NR5A2: variants seen among roughly 807,000 people sequenced by gnomAD.
NR5A2 encodes CYP7A promoter-binding factor.
In NR5A2, 26 loss-of-function variants were observed where a neutral mutation model predicts 62.7. The observed-to-expected ratio is 0.41, with a 90% CI of 0.30 to 0.58. The LOEUF (loss-of-function observed/expected upper bound fraction) is 0.58. NR5A2 is among the 20% of genes least tolerant of loss of function. The pLI is 0.22. For synonymous variants in NR5A2, 246 were observed against 241.7 expected (o/e 1.02, Z -0.16); for missense variants, 541 against 669.1 (o/e 0.81, Z 2.11).
At position 200,060,147 on chromosome 1, in the gene NR5A2, A is replaced by G. The variant is rs16845843; in HGVS notation, c.1110+11329A>G. Among the ~76,000 whole-genome samples the G allele has an allele frequency of 9.6e-3, 1,460 of 151,940 alleles. 48 individuals carry two copies. In the East Asian group the frequency reaches 0.11, roughly 12 times the overall value. On this transcript the variant is annotated intron_variant, in intron 5 of 7. Transcript: ENST00000367362. ...ATCTTCTCCTCTCTCCTCCTTGTCCACTTTTCTTCTGTCCCAATTCGCTTT... is the reference window on the plus strand; with the variant it reads ...ATCTTCTCCTCTCTCCTCCTTGTCCGCTTTTCTTCTGTCCCAATTCGCTTT...
chr1:200,074,912 G>A (rs1663958406), intron 5 of NR5A2, among the ~76,000 whole-genome samples: 1 of 151,108 alleles, frequency 6.6e-6, no homozygotes, highest in African/African-American at 2.4e-5. Flanking sequence ...ACATTTTTAG[G>A]GGTTTACACG....
At position 200,175,448 on chromosome 1, in the gene NR5A2, A is replaced by G. The variant is rs1484649816; in HGVS notation, c.*1238A>G. On this transcript the variant is annotated 3_prime_UTR_variant, in exon 8 of 8. Transcript: ENST00000367362. ...TAGACCAAAGTCTGCTGTAGAACAA[A>G]TATGGGAGGACAAAGAATCGCAAAT... 6.5e-6 allele frequency: 1 copy of G among 152,696 alleles called. No homozygotes were observed. The highest frequency in any genetic ancestry group is 1.9e-4 in the East Asian group (1 of 5,204). 9.5% of individuals were successfully genotyped at this position (152,696 alleles called of 1,614,324 possible).
chr1:200,121,127 A>G lies in NR5A2; in HGVS notation c.1378+172A>G, dbSNP rs538291511. On this transcript the variant is annotated intron_variant, in intron 7 of 7. Coordinates refer to ENST00000367362, the MANE Select transcript of NR5A2 (RefSeq NM_205860.3). ...TTTCATATATATTTCTGCATGATGC[A>G]TAGCCCTTCAGTGGATACGTTGGGG... Among the ~76,000 whole-genome samples, 16 of 152,342 alleles carry G rather than the reference A, an allele frequency of 1.1e-4. No homozygotes were observed. In the East Asian group the frequency reaches 3.1e-3, roughly 29 times the overall value.
chr1:200,053,569 G>GCTCACACACACA (rs374944913), intron 5 of NR5A2, among the ~76,000 whole-genome samples: 3 of 141,994 alleles, frequency 2.1e-5, no homozygotes, highest in African/African-American at 8.0e-5. Flanking sequence ...GCATGCACAC[G>GCTCACACACACA]CACACACACA....
In NR5A2 at chr1:200,147,613, A is replaced by C. The variant is rs1305033055; in HGVS notation, c.1379-26350A>C. 4 of 717,564 alleles carry C rather than the reference A, an allele frequency of 5.6e-6. No homozygotes were observed. The highest frequency in any genetic ancestry group is 1.0e-5 in the Non-Finnish European group (4 of 384,018). The allele number at this position is 717,564 out of a possible 1,614,324, so 44.4% of individuals were successfully genotyped here. On this transcript the variant is annotated intron_variant, in intron 7 of 7. Transcript: ENST00000367362. This position sits in a 1 kb window ranked among gnomAD's most constrained non-coding sequence, Gnocchi z 4.9. ...GCTAGGGCAGAGCACATTTTCGCAC[A>C]GGCAGCGCCGCAGCTTGCCCTGGAT...
chr1:200,054,901 A>AC (rs1357127288), intron 5 of NR5A2, among the ~76,000 whole-genome samples: 1 of 148,826 alleles, frequency 6.7e-6, no homozygotes, highest in Non-Finnish European at 1.5e-5. Flanking sequence ...ACTTAGTCCT[A>AC]CTTTTTTTTT....
At chr1:200,060,341 A>G (rs1202647612) in intron 5 of NR5A2, among the ~76,000 whole-genome samples, 1 of 152,202 alleles carries the variant, frequency 6.6e-6, no homozygotes, top group Non-Finnish European at 1.5e-5. Context: ...TGGAGCAGGC[A>G]AGAGAAACGG....
chr1:200,095,698 A>G (rs538857053), intron 5 of NR5A2, among the ~76,000 whole-genome samples: 30 of 143,978 alleles, frequency 2.1e-4, no homozygotes, highest in Non-Finnish European at 4.2e-4. Context: ...GACTACAGGC[A>G]CCCGCCACCA....
In NR5A2 at chr1:200,147,251, A is replaced by C. The variant is rs557063259; in HGVS notation, c.1378+26296A>C. Among the ~76,000 whole-genome samples, 6 of 152,230 alleles carry C rather than the reference A, an allele frequency of 3.9e-5. No individual in the cohort carries two copies. Among genetic ancestry groups the C allele is most frequent in the African/African-American group, 1.4e-4 (6 of 41,464 alleles). On this transcript the variant is annotated intron_variant, in intron 7 of 7. Coordinates refer to ENST00000367362, the MANE Select transcript of NR5A2 (RefSeq NM_205860.3). The surrounding 1 kb of genome is among the most constrained non-coding windows in gnomAD (Gnocchi z 4.9). ...CGAGGCCGCTGCACCACGTGGTGTCAGGAGACCTTAGCAATGGCCCAGGTT... is the reference window on the plus strand; with the variant it reads ...CGAGGCCGCTGCACCACGTGGTGTCCGGAGACCTTAGCAATGGCCCAGGTT...
At chr1:200,136,540 C>T (rs775305368) in intron 7 of NR5A2, among the ~76,000 whole-genome samples, 2 of 152,104 alleles carry the variant, frequency 1.3e-5, no homozygotes, top group South Asian at 4.1e-4. Flanking sequence ...ACTGTCTTTC[C>T]CTAAGATCAG....
At chr1:200,069,790 C>T (rs1663653885) in intron 5 of NR5A2, among the ~76,000 whole-genome samples, 1 of 152,140 alleles carries the variant, frequency 6.6e-6, no homozygotes, top group South Asian at 2.1e-4. Flanking sequence ...TCTTGCCCTT[C>T]ATGCCAAAGT....
intron 4 of NR5A2, among the ~76,000 whole-genome samples, chr1:200,047,952 G>A (rs1044809941): frequency 6.6e-6 from 1 of 152,148 alleles, no homozygotes; most frequent in Non-Finnish European, 1.5e-5. Flanking sequence ...ATGTCCCTAT[G>A]TGGCCAAAGT....
chr1:200,079,993 A>G (rs988045787), intron 5 of NR5A2, among the ~76,000 whole-genome samples: 1 of 152,226 alleles, frequency 6.6e-6, no homozygotes, highest in Non-Finnish European at 1.5e-5. Context: ...GCTAGATACT[A>G]TCAAATAGCT....
intron 7 of NR5A2, among the ~76,000 whole-genome samples, chr1:200,165,315 C>T (rs1331690442): frequency 1.3e-5 from 2 of 152,112 alleles, no homozygotes; most frequent in Non-Finnish European, 2.9e-5. Flanking sequence ...GGAGTGAAAC[C>T]TTTACAATGA....
chr1:200,130,802 C>A (rs766398821), intron 7 of NR5A2, among the ~76,000 whole-genome samples: 2 of 152,166 alleles, frequency 1.3e-5, no homozygotes, highest in Non-Finnish European at 2.9e-5. Context: ...CTGCCACTGG[C>A]TGGACTGCAA....
At chr1:200,133,629 A>G (rs1234413683) in intron 7 of NR5A2, among the ~76,000 whole-genome samples, 1 of 149,492 alleles carries the variant, frequency 6.7e-6, no homozygotes, top group Non-Finnish European at 1.5e-5. Context: ...ACACACACGT[A>G]TATATGTACA....
At chr1:200,096,422 T>C (rs1363164535) in intron 5 of NR5A2, among the ~76,000 whole-genome samples, 1 of 152,052 alleles carries the variant, frequency 6.6e-6, no homozygotes. Flanking sequence ...CACAACAGGG[T>C]ATGAGTTGTA....
chr1:200,051,326 A>G (rs1662621451), intron 5 of NR5A2, among the ~76,000 whole-genome samples: 1 of 152,226 alleles, frequency 6.6e-6, no homozygotes, highest in African/African-American at 2.4e-5. Context: ...GCTGTAAGGC[A>G]TTAAGAAGGC....
chr1:200,105,195 A>G (rs1665589315), intron 5 of NR5A2, among the ~76,000 whole-genome samples: 1 of 152,198 alleles, frequency 6.6e-6, no homozygotes, highest in East Asian at 1.9e-4. Context: ...CCTGGATGCA[A>G]GTGATCCTCC....
Sources: gnomAD v4.1 joint callset for allele counts (sites outside exome capture counted in the v4.1 genomes callset) on GRCh38, gnomAD v4.1.1 for gene constraint, Gnocchi (gnomAD v3.1) non-coding constraint, MANE v1.5 for transcripts, NCBI Gene and HGNC (gene_info 2026-07-23, HGNC 2026-07-21) for gene names.